Variants in FRMPD2 observed in about 807,000 individuals in gnomAD.
FRMPD2 encodes FERM and PDZ domain-containing protein 2.
A neutral mutation model predicts 140.1 loss-of-function variants in FRMPD2; 96 were observed. The ratio of observed to expected loss-of-function variants is 0.69; its 90% CI spans 0.58 to 0.81. The LOEUF (loss-of-function observed/expected upper bound fraction) is 0.81. Ranked by LOEUF, FRMPD2 falls within the 40% of genes least tolerant of loss-of-function variation. The pLI, the probability that FRMPD2 is intolerant of heterozygous loss-of-function variation, is 0.00. For synonymous variants in FRMPD2, 449 were observed against 547.6 expected, an observed-to-expected ratio of 0.82 and a Z score of 2.52; for missense variants, 1,240 against 1,447.4, an observed-to-expected ratio of 0.86 and a Z score of 2.32.
intron 10 of FRMPD2, among the ~76,000 whole-genome samples, chr10:48,227,574 C>T (rs918158811): frequency 3.3e-5 from 5 of 152,130 alleles, no homozygotes; most frequent in African/African-American, 4.8e-5. Context: ...GCATTTTTCA[C>T]GCTCTTTTTG....
intron 1 of FRMPD2, among the ~76,000 whole-genome samples, chr10:48,260,554 T>A (rs1327079922): frequency 6.6e-6 from 1 of 152,174 alleles, no homozygotes; most frequent in Non-Finnish European, 1.5e-5. Flanking sequence ...CGTTCCAAAA[T>A]AACATTTCAT....
At chr10:48,265,431 C>G (rs1015805121) in intron 1 of FRMPD2, among the ~76,000 whole-genome samples, 3 of 152,078 alleles carry the variant, frequency 2.0e-5, no homozygotes, top group African/African-American at 7.2e-5. Context: ...AAACAGACAA[C>G]CTACAGAGTA....
At chr10:48,183,884 T>A (rs1838612446) in intron 20 of FRMPD2, among the ~76,000 whole-genome samples, 1 of 121,012 alleles carries the variant, frequency 8.3e-6, no homozygotes, top group Admixed American at 8.1e-5. Context: ...ATACCGCATG[T>A]TCTCATTTAC....
chr10:48,250,749 ATTCT>A (rs1426592106), intron 2 of FRMPD2, among the ~76,000 whole-genome samples: 1 of 149,062 alleles, frequency 6.7e-6, no homozygotes, highest in Non-Finnish European at 1.5e-5. Flanking sequence ...CTGTTTAGTA[ATTCT>A]TTCTATTAAC....
intron 25 of FRMPD2, among the ~76,000 whole-genome samples, chr10:48,172,460 G>A (rs1838286678): frequency 6.6e-6 from 1 of 152,204 alleles, no homozygotes; most frequent in African/African-American, 2.4e-5. Context: ...CAGCCCATCG[G>A]AAAACGTGCA....
chr10:48,211,711 A>G (rs1271585921), intron 13 of FRMPD2, among the ~76,000 whole-genome samples: 1 of 152,102 alleles, frequency 6.6e-6, no homozygotes, highest in Non-Finnish European at 1.5e-5. Flanking sequence ...AAAATAAAAA[A>G]TAAGGAAAAG....
rs1839968629 is a variant in FRMPD2, at chr10:48,236,422, C to T, written c.993+60G>A. The T allele has an allele frequency of 3.4e-6, 5 of 1,472,174 alleles. No individual in the cohort carries two copies. In the Admixed American group the frequency reaches 8.4e-5, roughly 25 times the overall value. 91.2% of individuals were successfully genotyped at this position (1,472,174 alleles called of 1,614,324 possible). A position where few individuals can be genotyped will look rare whatever the true frequency, so the allele number is the denominator to read the frequency against. On this transcript the variant is annotated intron_variant, in intron 9 of 28. Coordinates refer to ENST00000374201, the MANE Select transcript of FRMPD2 (RefSeq NM_001018071.4). ...ACCCCATTCAGACACAATTGGCCTC[C>T]CGCAACTGCCCACTTCCCTCGCCAC...
chr10:48,241,982 C>G (rs1840124574), intron 5 of FRMPD2, 179 bp downstream of exon 5: 3 of 472,496 alleles, frequency 6.3e-6, no homozygotes, highest in African/African-American at 5.8e-5. Context: ...CTAGATCCAC[C>G]CTGTTCAATA....
At chr10:48,216,891 C>A (rs140192958) in intron 12 of FRMPD2, among the ~76,000 whole-genome samples, 6 of 152,156 alleles carry the variant, frequency 3.9e-5, no homozygotes, top group African/African-American at 1.2e-4. Flanking sequence ...TAGCACCACC[C>A]GAAGCTGGCC....
chr10:48,225,110 TG>T (rs1839693361), intron 10 of FRMPD2, among the ~76,000 whole-genome samples: 1 of 152,180 alleles, frequency 6.6e-6, no homozygotes, highest in Admixed American at 6.5e-5. Flanking sequence ...CTAAGCCAGA[TG>T]GGCTGGGAGG....
At chr10:48,196,889 C>CT in intron 15 of FRMPD2, among the ~76,000 whole-genome samples, 1 of 152,256 alleles carries the variant, frequency 6.6e-6, no homozygotes, top group Non-Finnish European at 1.5e-5. Context: ...CCTGAAAGGA[C>CT]TAATTTTACA....
chr10:48,229,463 G>T (rs1284158185), intron 10 of FRMPD2, among the ~76,000 whole-genome samples: 2 of 152,114 alleles, frequency 1.3e-5, no homozygotes, highest in South Asian at 2.1e-4. Context: ...CTTTCCAGCT[G>T]GGCCCTTGGA....
intron 1 of FRMPD2, among the ~76,000 whole-genome samples, chr10:48,263,630 A>G (rs553168867): frequency 6.6e-6 from 1 of 152,180 alleles, no homozygotes; most frequent in Non-Finnish European, 1.5e-5. Flanking sequence ...GCCTATACGT[A>G]TTACATAAAT....
At chr10:48,180,264 C>G (rs1782129099) in intron 21 of FRMPD2, among the ~76,000 whole-genome samples, 1 of 152,200 alleles carries the variant, frequency 6.6e-6, no homozygotes, top group African/African-American at 2.4e-5. Context: ...GGGCATGGGT[C>G]TGGCGGGGCC....
intron 10 of FRMPD2, among the ~76,000 whole-genome samples, chr10:48,229,718 A>C (rs1357682681): frequency 2.6e-5 from 4 of 152,136 alleles, no homozygotes; most frequent in Non-Finnish European, 4.4e-5. Flanking sequence ...GAAACAATGA[A>C]ATTTATCTGT....
chr10:48,187,555 A>G (rs1224632334), intron 16 of FRMPD2, among the ~76,000 whole-genome samples: 1 of 152,202 alleles, frequency 6.6e-6, no homozygotes, highest in African/African-American at 2.4e-5. Context: ...CTGGCTTCAT[A>G]TGAGCCTCCT....
intron 1 of FRMPD2, among the ~76,000 whole-genome samples, chr10:48,254,533 C>G (rs1652245): frequency 0.12 from 18,622 of 152,248 alleles, 3,813 homozygotes; most frequent in African/African-American, 0.42. Context: ...CAGCCCTTAA[C>G]AACCAGCCTG....
In FRMPD2 at chr10:48,252,872, C is replaced by A. The variant is rs115923550; in HGVS notation, c.26-1181G>T. Among the ~76,000 whole-genome samples, 1,044 of 152,176 alleles carry A rather than the reference C, an allele frequency of 6.9e-3. 11 individuals carry two copies. The highest frequency in any genetic ancestry group is 0.024 in the African/African-American group (992 of 41,504). On this transcript the variant is annotated intron_variant, in intron 1 of 28. Coordinates refer to ENST00000374201, the MANE Select transcript of FRMPD2 (RefSeq NM_001018071.4). The stretch of plus-strand genomic sequence containing the variant: ...TCTCTTTTTCTTTTCTATTTCTTTT[C>A]TTTTTTCTTTCCTTTCCTTCCTTTT...
At chr10:48,175,180 A>G in intron 23 of FRMPD2, 1 of 479,638 alleles carries the variant, frequency 2.1e-6, no homozygotes, top group South Asian at 2.3e-5. Context: ...AAGCCTTTCT[A>G]TTATTGGCTC....
Sources: gnomAD v4.1 joint callset for allele counts (sites outside exome capture counted in the v4.1 genomes callset) on GRCh38, gnomAD v4.1.1 for gene constraint, MANE v1.5 for transcripts, NCBI Gene and HGNC (gene_info 2026-07-23, HGNC 2026-07-21) for gene names.